Variants in KIF5A observed in about 807,000 individuals in gnomAD.
KIF5A encodes the protein kinesin family member 5A, also known as kinesin heavy chain isoform 5A.
KIF5A carries 35 observed loss-of-function variants against 141.3 expected under a neutral mutation model. That is an observed-to-expected ratio of 0.25 (90% CI 0.19 to 0.33). The LOEUF (loss-of-function observed/expected upper bound fraction) is 0.33. Among genes scored for constraint, KIF5A ranks in the 10% least tolerant of loss-of-function variants. The probability of loss-of-function intolerance (pLI) is 1.00; values close to 1 mark genes in which losing one functional copy is unlikely to be tolerated. For missense variants in KIF5A, 861 were observed against 1,314.3 expected (o/e 0.66, Z 5.33); for synonymous variants, 448 against 500.2 (o/e 0.90, Z 1.39).
rs117670139 is a variant in KIF5A, at chr12:57,551,473, G to C, written c.129+1073G>C. Among the ~76,000 whole-genome samples, 470 of 152,288 alleles carry C rather than the reference G, an allele frequency of 3.1e-3. 19 individuals are homozygous for C. The East Asian group carries it at 0.073, about 24-fold the overall frequency. ...GCACCTTTATCTGTAATGGCCCAAA[G>C]GGAAATTCTAGGCCTTGCCCACTCC... On this transcript the variant is annotated intron_variant, in intron 1 of 28. Coordinates refer to ENST00000455537, the MANE Select transcript of KIF5A (RefSeq NM_004984.4).
At chr12:57,574,567 C>G (rs545693436) in intron 15 of KIF5A, among the ~76,000 whole-genome samples, 1 of 143,316 alleles carries the variant, frequency 7.0e-6, no homozygotes, top group Non-Finnish European at 1.5e-5. Context: ...CCACCGAGCC[C>G]GGCCCAGAAT....
intron 15 of KIF5A, among the ~76,000 whole-genome samples, chr12:57,574,163 A>T (rs1042332493): frequency 6.6e-6 from 1 of 152,134 alleles, no homozygotes; most frequent in African/African-American, 2.4e-5. Flanking sequence ...AGAGTTCAGA[A>T]TGAAATATGC....
At position 57,572,463 on chromosome 12, in the gene KIF5A, GC is replaced by G. The variant is rs777585093; in HGVS notation, c.1570-115del. 829 of 1,408,418 alleles carry G rather than the reference GC, an allele frequency of 5.9e-4. 1 individual carries two copies. Among genetic ancestry groups the G allele is most frequent in the Non-Finnish European group, 7.2e-4 (726 of 1,014,288 alleles). The allele number at this position is 1,408,418 out of a possible 1,614,324, so 87.2% of individuals were successfully genotyped here. A position where few individuals can be genotyped will look rare whatever the true frequency, so the allele number is the denominator to read the frequency against. On this transcript the variant is annotated intron_variant, in intron 14 of 28. Coordinates refer to ENST00000455537, the MANE Select transcript of KIF5A (RefSeq NM_004984.4). This position sits in a 1 kb window ranked among gnomAD's most constrained non-coding sequence, Gnocchi z 4.2. Reference sequence around the variant, plus strand: ...TCTGTCTTTCAGACTCTTCTGCAGGGCCTGTGTTCTCTTCATAGCAGCCCTC... The same window carrying G: ...TCTGTCTTTCAGACTCTTCTGCAGGGCTGTGTTCTCTTCATAGCAGCCCTC...
chr12:57,551,347 C>A (rs1881566930), intron 1 of KIF5A, among the ~76,000 whole-genome samples: 1 of 152,204 alleles, frequency 6.6e-6, no homozygotes, highest in South Asian at 2.1e-4. Context: ...ACTTGAATAA[C>A]TTTCTCAAGG....
At chr12:57,569,852 C>T (rs1453683983) in intron 11 of KIF5A, 135 bp from the exon 12 acceptor site, 7 of 1,362,182 alleles carry the variant, frequency 5.1e-6, no homozygotes, top group Non-Finnish European at 6.0e-6. Flanking sequence ...GGCCTGACTA[C>T]CTACCTCCCA....
intron 17 of KIF5A, 43 bp from the exon 18 acceptor site, chr12:57,576,044 A>T: frequency 6.3e-7 from 1 of 1,589,282 alleles, no homozygotes; most frequent in Non-Finnish European, 8.6e-7. Flanking sequence ...TCTTTCCGAA[A>T]GAGGTAGGTT....
rs1304865421 is a variant in KIF5A, at chr12:57,585,265, T to A, written c.*1084T>A. The A allele has an allele frequency of 1.3e-5, 2 of 154,406 alleles. No individual in the cohort carries two copies. Among genetic ancestry groups the A allele is most frequent in the African/African-American group, 4.8e-5 (2 of 41,500 alleles). The allele number at this position is 154,406 out of a possible 1,614,324, so 9.6% of individuals were successfully genotyped here. A position where few individuals can be genotyped will look rare whatever the true frequency, so the allele number is the denominator to read the frequency against. On this transcript the variant is annotated 3_prime_UTR_variant, in exon 29 of 29. Transcript: ENST00000455537. Reference sequence around the variant, plus strand: ...CTCTCTAGTTGCCTTCCTTTCAAGCTGGAGCCTGACTTTTCCCCAATGTAC... The same window carrying A: ...CTCTCTAGTTGCCTTCCTTTCAAGCAGGAGCCTGACTTTTCCCCAATGTAC...
Position 57,572,809 on chromosome 12 carries a change from C to T in KIF5A, c.1716+83C>T. 2.0e-6 allele frequency: 3 copies of T among 1,514,636 alleles called. No homozygotes were observed. Among genetic ancestry groups the T allele is most frequent in the African/African-American group, 1.4e-5 (1 of 73,130 alleles). 93.8% of individuals were successfully genotyped at this position (1,514,636 alleles called of 1,614,324 possible). ...TGAGCCATCCAGGCCTTCACAGATA[C>T]TGAGAAAGGCAGCCAGAGAGCCAGG... On this transcript the variant is annotated intron_variant, in intron 15 of 28. Coordinates refer to ENST00000455537, the MANE Select transcript of KIF5A (RefSeq NM_004984.4). This position sits in a 1 kb window ranked among gnomAD's most constrained non-coding sequence, Gnocchi z 4.2.
At chr12:57,565,978 A>T (rs890512704) in intron 6 of KIF5A, among the ~76,000 whole-genome samples, 5 of 151,022 alleles carry the variant, frequency 3.3e-5, no homozygotes, top group Non-Finnish European at 7.4e-5. Flanking sequence ...ACACACCTGT[A>T]GTCCCAGCTA....
rs773336059 is a variant in KIF5A, at chr12:57,563,461, G to A, written c.152G>A (p.Arg51His). 125 of 1,612,358 alleles carry A rather than the reference G, an allele frequency of 7.8e-5. 1 individual carries two copies. The highest frequency in any genetic ancestry group is 2.2e-5 in the East Asian group (1 of 44,884). The change falls in exon 2 of 29, where the codon CGT becomes CAT. Residue 51 changes from arginine to histidine, a missense_variant. This residue lies in a region of KIF5A where 59 missense variants were observed against 81.1 expected (regional missense o/e 0.73). Coordinates refer to ENST00000455537, the MANE Select transcript of KIF5A (RefSeq NM_004984.4). ...VIGGKPYVFDRVFPPNTTQEQ... is the reference protein window; with the variant it reads ...VIGGKPYVFDHVFPPNTTQEQ... Reference sequence around the variant, plus strand: ...CAGGGGAAGCCATATGTTTTTGACCGTGTATTCCCCCCAAACACGACTCAA... The same window carrying A: ...CAGGGGAAGCCATATGTTTTTGACCATGTATTCCCCCCAAACACGACTCAA...
At chr12:57,560,111 C>T (rs1565694622) in intron 1 of KIF5A, among the ~76,000 whole-genome samples, 2 of 152,154 alleles carry the variant, frequency 1.3e-5, no homozygotes, top group Non-Finnish European at 2.9e-5. Flanking sequence ...AGGCTAGTCT[C>T]GAACTCCTGA....
intron 1 of KIF5A, 33 bp from the exon 2 acceptor site, chr12:57,563,406 G>C: frequency 6.7e-7 from 1 of 1,491,700 alleles, no homozygotes; most frequent in East Asian, 2.3e-5. Context: ...CATCCTGCCT[G>C]TTGACGTCTG....
chr12:57,567,377 T>G (rs974980670), intron 7 of KIF5A, 117 bp from the exon 8 acceptor site: 4 of 1,374,364 alleles, frequency 2.9e-6, no homozygotes, highest in Non-Finnish European at 4.1e-6. Flanking sequence ...GCAGCAGGGC[T>G]AGTCCTGGTG....
intron 1 of KIF5A, among the ~76,000 whole-genome samples, chr12:57,561,019 A>AT (rs902893633): frequency 1.3e-5 from 2 of 151,864 alleles, no homozygotes; most frequent in Admixed American, 6.6e-5. Flanking sequence ...AAATAGAGAG[A>AT]TTTTTTGATT....
chr12:57,570,230 C>T lies in KIF5A; in HGVS notation c.1293+68C>T, dbSNP rs979867328. 2.6e-5 allele frequency: 37 copies of T among 1,442,180 alleles called. No homozygotes were observed. In the African/African-American group the frequency reaches 2.8e-4, roughly 11 times the overall value. The allele number at this position is 1,442,180 out of a possible 1,614,324, so 89.3% of individuals were successfully genotyped here. ...TGAGAGGTAGACGATCAAAGAAAAT[C>T]GCTTATATTGCCTCTTTCTGGTTTT... On this transcript the variant is annotated intron_variant, in intron 12 of 28. Transcript: ENST00000455537.
intron 6 of KIF5A, among the ~76,000 whole-genome samples, chr12:57,565,710 C>T (rs1882043961): frequency 6.7e-6 from 1 of 150,004 alleles, no homozygotes; most frequent in South Asian, 2.1e-4. Flanking sequence ...CTGCAACCTC[C>T]CTGTCCTGGG....
intron 1 of KIF5A, among the ~76,000 whole-genome samples, chr12:57,559,404 G>T (rs1488883100): frequency 6.6e-6 from 1 of 151,972 alleles, no homozygotes; most frequent in East Asian, 1.9e-4. Flanking sequence ...CACTTTCATA[G>T]GTAAAAATGG....
chr12:57,580,861 T>C, intron 23 of KIF5A, 95 bp from the exon 24 acceptor site: 1 of 1,128,572 alleles, frequency 8.9e-7, no homozygotes. Flanking sequence ...TTTTCTTTAT[T>C]CTCTCTCCTC....
chr12:57,552,958 T>TG (rs1291885703), intron 1 of KIF5A, among the ~76,000 whole-genome samples: 1 of 152,062 alleles, frequency 6.6e-6, no homozygotes, highest in Non-Finnish European at 1.5e-5. Flanking sequence ...GAGACAGCTC[T>TG]GTGTGCCTTT....
Sources: allele counts gnomAD v4.1 joint callset (sites outside exome capture counted in the v4.1 genomes callset), GRCh38; gene constraint gnomAD v4.1.1; regional missense constraint gnomAD v4.1.1; non-coding constraint Gnocchi (gnomAD v3.1); transcripts MANE v1.5; gene names NCBI Gene and HGNC (gene_info 2026-07-23, HGNC 2026-07-21).